ADGRG2: variants seen among roughly 807,000 people sequenced by gnomAD.
ADGRG2 encodes the protein G protein-coupled receptor 64.
In ADGRG2, 26 loss-of-function variants were observed where a neutral mutation model predicts 74.1. The observed-to-expected ratio is 0.35, with a 90% confidence interval of 0.26 to 0.49. The LOEUF is 0.49. Among genes scored for constraint, ADGRG2 ranks in the 20% least tolerant of loss-of-function variants. ADGRG2 has a pLI of 0.99. For missense variants in ADGRG2, 619 were observed against 763.1 expected, an observed-to-expected ratio of 0.81 and a Z score of 2.22; for synonymous variants, 296 against 295.2, an observed-to-expected ratio of 1.00 and a Z score of -0.03.
chrX:19,067,857 A>C (rs758542336), intron 3 of ADGRG2, among the ~76,000 whole-genome samples: 1 of 112,371 alleles, frequency 8.9e-6, no homozygotes, highest in Non-Finnish European at 1.9e-5. Context: ...AAGAAGATAT[A>C]CAAGTGGCCA....
At chrX:19,086,619 A>G (rs1464233900) in intron 1 of ADGRG2, among the ~76,000 whole-genome samples, 1 of 111,509 alleles carries the variant, frequency 9.0e-6, no homozygotes, top group Non-Finnish European at 1.9e-5. Flanking sequence ...CAGAACTCCC[A>G]TCCTGGGCAC....
intron 20 of ADGRG2, among the ~76,000 whole-genome samples, chrX:19,006,868 C>T (rs1357773447): frequency 2.8e-5 from 3 of 106,884 alleles, no homozygotes; most frequent in African/African-American, 6.9e-5. Flanking sequence ...GTGATCCTCC[C>T]GCCTCAGCCC....
At chrX:18,996,697 C>T (rs2060025313) in intron 26 of ADGRG2, among the ~76,000 whole-genome samples, 1 of 110,053 alleles carries the variant, frequency 9.1e-6, no homozygotes, top group Non-Finnish European at 1.9e-5. Context: ...CCTGACCTGC[C>T]CCAGGTGCTG....
At chrX:19,068,542 T>C (rs748128130) in intron 3 of ADGRG2, among the ~76,000 whole-genome samples, 175 bp downstream of exon 3, 1 of 111,615 alleles carries the variant, frequency 9.0e-6, no homozygotes, top group African/African-American at 3.2e-5. Flanking sequence ...TGGATAGCAG[T>C]GACAGTTACA....
chrX:19,038,668 C>A (rs1015624877), intron 4 of ADGRG2, among the ~76,000 whole-genome samples: 6 of 111,507 alleles, frequency 5.4e-5, no homozygotes, highest in African/African-American at 2.0e-4. Context: ...AAAGAAGAGA[C>A]CTCTGGGCAT....
chrX:19,032,901 G>A, intron 8 of ADGRG2: 1 of 111,857 alleles, frequency 8.9e-6, no homozygotes, highest in Non-Finnish European at 1.9e-5. Context: ...TCTTGTATCA[G>A]AAACTTAAAA....
intron 3 of ADGRG2, among the ~76,000 whole-genome samples, chrX:19,048,357 T>C (rs866790805): frequency 8.9e-6 from 1 of 112,425 alleles, no homozygotes; most frequent in South Asian, 3.7e-4. Flanking sequence ...ACTGCGTAAA[T>C]ATTAGCTCAT....
At chrX:19,099,000 C>A (rs2062143994) in intron 1 of ADGRG2, among the ~76,000 whole-genome samples, 1 of 111,807 alleles carries the variant, frequency 8.9e-6, no homozygotes, top group South Asian at 3.7e-4. Context: ...GCCTGGCTAA[C>A]ATGGTGAAAC....
intron 8 of ADGRG2, chrX:19,032,745 A>G (rs2060852382): frequency 9.0e-6 from 1 of 111,552 alleles, no homozygotes; most frequent in Non-Finnish European, 1.9e-5. Context: ...ATAGCTATAG[A>G]GAATATGTAA....
At chrX:19,068,011 T>C (rs1211641972) in intron 3 of ADGRG2, among the ~76,000 whole-genome samples, 1 of 112,437 alleles carries the variant, frequency 8.9e-6, no homozygotes, top group African/African-American at 3.2e-5. Context: ...GGAATTCTTG[T>C]GCCTTGCTTG....
At chrX:19,030,292 T>G (rs995124398) in intron 9 of ADGRG2, among the ~76,000 whole-genome samples, 2 of 112,254 alleles carry the variant, frequency 1.8e-5, no homozygotes, top group African/African-American at 3.2e-5. Flanking sequence ...TTTTCACATT[T>G]GCTTTCATTG....
chrX:19,092,739 T>C (rs974304785), intron 1 of ADGRG2, among the ~76,000 whole-genome samples: 2 of 111,976 alleles, frequency 1.8e-5, no homozygotes, highest in African/African-American at 6.5e-5. Context: ...AACCAGGACC[T>C]AGTCCAGGAG....
At chrX:19,089,642 C>A (rs1166195504) in intron 1 of ADGRG2, among the ~76,000 whole-genome samples, 4 of 111,474 alleles carry the variant, frequency 3.6e-5, no homozygotes, top group Non-Finnish European at 7.5e-5. Context: ...CTCTCTCTTG[C>A]TGCTCTTTAA....
intron 1 of ADGRG2, among the ~76,000 whole-genome samples, chrX:19,113,344 C>T (rs1386289037): frequency 9.0e-6 from 1 of 111,282 alleles, no homozygotes; most frequent in East Asian, 2.8e-4. Context: ...TGCCACCGCA[C>T]TCCAGCCTAT....
At chrX:19,113,797 G>A (rs530740649) in intron 1 of ADGRG2, among the ~76,000 whole-genome samples, 2 of 111,907 alleles carry the variant, frequency 1.8e-5, no homozygotes, top group African/African-American at 6.5e-5. Context: ...GGCCGGGTGC[G>A]GTGGCTCACG....
intron 15 of ADGRG2, among the ~76,000 whole-genome samples, chrX:19,018,270 G>A (rs943420942): frequency 1.8e-5 from 2 of 109,874 alleles, no homozygotes; most frequent in African/African-American, 6.7e-5. Flanking sequence ...ACGATGCCCA[G>A]TTTTTTGTTT....
intron 3 of ADGRG2, among the ~76,000 whole-genome samples, chrX:19,044,347 C>T (rs1413379633): frequency 4.5e-5 from 5 of 111,780 alleles, no homozygotes; most frequent in Non-Finnish European, 9.4e-5. Flanking sequence ...AGGTCTTTCT[C>T]AGGTGGCATC....
intron 2 of ADGRG2, among the ~76,000 whole-genome samples, chrX:19,081,829 C>T (rs1360922528): frequency 9.1e-6 from 1 of 110,313 alleles, no homozygotes; most frequent in Non-Finnish European, 1.9e-5. Context: ...AATCCCAGCA[C>T]TTTGGGAGGC....
intron 3 of ADGRG2, among the ~76,000 whole-genome samples, chrX:19,058,824 GTTTC>G (rs1334019138): frequency 8.9e-6 from 1 of 112,302 alleles, no homozygotes; most frequent in Non-Finnish European, 1.9e-5. Context: ...AGATCAATGT[GTTTC>G]TTGTTATTTC....
Sources: gnomAD v4.1 joint callset for allele counts (sites outside exome capture counted in the v4.1 genomes callset) on GRCh38, gnomAD v4.1.1 for gene constraint, MANE v1.5 for transcripts, NCBI Gene and HGNC (gene_info 2026-07-23, HGNC 2026-07-21) for gene names.